Variants in LARP4 observed in about 807,000 individuals in gnomAD.
LARP4 encodes the protein La ribonucleoprotein 4.
A neutral mutation model predicts 92.9 loss-of-function variants in LARP4; 29 were observed. The observed-to-expected ratio is 0.31, with a 90% CI of 0.23 to 0.43. The LOEUF is 0.43. Among genes scored for constraint, LARP4 ranks in the 20% least tolerant of loss-of-function variants. The pLI is 1.00. For synonymous variants in LARP4, 279 were observed against 284.1 expected, an observed-to-expected ratio of 0.98 and a Z score of 0.18; for missense variants, 732 against 860.0, an observed-to-expected ratio of 0.85 and a Z score of 1.86.
chr12:50,437,632 G>T, intron 5 of LARP4, 103 bp from the exon 6 acceptor site: 1 of 633,654 alleles, frequency 1.6e-6, no homozygotes, highest in Non-Finnish European at 2.7e-6. Context: ...CCCAGCCTCT[G>T]CAAATTTACT....
intron 6 of LARP4, 121 bp from the exon 7 acceptor site, chr12:50,440,318 A>T: frequency 1.5e-6 from 1 of 680,168 alleles, no homozygotes; most frequent in Non-Finnish European, 2.6e-6. Flanking sequence ...GGCAAAAGTT[A>T]AGTGAAGTGA....
intron 13 of LARP4, among the ~76,000 whole-genome samples, chr12:50,470,520 A>G (rs1186914770): frequency 1.3e-5 from 2 of 150,740 alleles, no homozygotes; most frequent in African/African-American, 4.9e-5. Context: ...TGCAACCTCC[A>G]TCTCCCAGGT....
At chr12:50,409,103 T>C (rs1945378245) in intron 1 of LARP4, among the ~76,000 whole-genome samples, 1 of 151,682 alleles carries the variant, frequency 6.6e-6, no homozygotes, top group Non-Finnish European at 1.5e-5. Flanking sequence ...AGAAAAAAAA[T>C]AGGAGGGCAG....
At chr12:50,461,565 A>C (rs1955386178) in intron 11 of LARP4, 8 of 497,348 alleles carry the variant, frequency 1.6e-5, no homozygotes, top group South Asian at 1.4e-4. Flanking sequence ...GAGGTTTATA[A>C]AGTTATTCTG....
intron 10 of LARP4, among the ~76,000 whole-genome samples, chr12:50,459,719 G>C (rs1437366428): frequency 6.6e-6 from 1 of 151,670 alleles, no homozygotes; most frequent in South Asian, 2.1e-4. Flanking sequence ...AGCTACTCGG[G>C]AGGCTGAGGC....
At chr12:50,429,484 C>T (rs1949315586) in intron 3 of LARP4, among the ~76,000 whole-genome samples, 1 of 151,820 alleles carries the variant, frequency 6.6e-6, no homozygotes, top group African/African-American at 2.4e-5. Context: ...GTGGCATGCA[C>T]CTATAATCCC....
intron 8 of LARP4, among the ~76,000 whole-genome samples, chr12:50,442,610 G>A (rs1037393291): frequency 2.0e-5 from 3 of 152,180 alleles, no homozygotes; most frequent in Non-Finnish European, 4.4e-5. Flanking sequence ...ATTTGTAAAT[G>A]TAATACATTA....
At chr12:50,407,182 C>T (rs913663012) in intron 1 of LARP4, among the ~76,000 whole-genome samples, 3 of 152,092 alleles carry the variant, frequency 2.0e-5, no homozygotes, top group Admixed American at 1.3e-4. Context: ...CGTACCACCA[C>T]GCCTAGCTAT....
chr12:50,464,650 C>T (rs1439686426), intron 12 of LARP4, among the ~76,000 whole-genome samples: 1 of 151,902 alleles, frequency 6.6e-6, no homozygotes, highest in African/African-American at 2.4e-5. Context: ...GCCTTGGCCT[C>T]CCAGAGTGCT....
At chr12:50,406,757 C>T (rs1944914024) in intron 1 of LARP4, among the ~76,000 whole-genome samples, 1 of 152,070 alleles carries the variant, frequency 6.6e-6, no homozygotes, top group African/African-American at 2.4e-5. Context: ...TGCTCTGTTG[C>T]CCAGGCTGGA....
At chr12:50,432,634 C>T (rs569434837) in intron 4 of LARP4, among the ~76,000 whole-genome samples, 1 of 152,026 alleles carries the variant, frequency 6.6e-6, no homozygotes, top group Admixed American at 6.6e-5. Flanking sequence ...CCAAGGCAGG[C>T]GGATCACCTG....
chr12:50,426,929 C>T (rs1182857289), intron 1 of LARP4, among the ~76,000 whole-genome samples: 3 of 151,566 alleles, frequency 2.0e-5, no homozygotes, highest in Admixed American at 1.3e-4. Flanking sequence ...GTAGAGACAG[C>T]GTTTCTCTGT....
chr12:50,460,514 G>T (rs1955182771), intron 10 of LARP4, among the ~76,000 whole-genome samples: 1 of 152,020 alleles, frequency 6.6e-6, no homozygotes, highest in South Asian at 2.1e-4. Flanking sequence ...TGCAGTGATG[G>T]GGTCTTGCTG....
chr12:50,446,812 A>G (rs1457065205), intron 8 of LARP4, among the ~76,000 whole-genome samples: 1 of 152,172 alleles, frequency 6.6e-6, no homozygotes, highest in Admixed American at 6.5e-5. Flanking sequence ...ACTATAATGT[A>G]TGACATTACT....
chr12:50,413,939 T>C (rs1439003221), intron 1 of LARP4, among the ~76,000 whole-genome samples: 3 of 152,194 alleles, frequency 2.0e-5, no homozygotes, highest in Non-Finnish European at 4.4e-5. Context: ...TGGTAGGATG[T>C]TTATAAAATT....
intron 8 of LARP4, among the ~76,000 whole-genome samples, chr12:50,451,462 C>T (rs2138182208): frequency 6.6e-6 from 1 of 152,220 alleles, no homozygotes; most frequent in African/African-American, 2.4e-5. Context: ...CTTTGGGAGG[C>T]CAAGGCAGGC....
In LARP4 at chr12:50,476,487, A is replaced by G. The variant is rs1269024861; in HGVS notation, c.*623A>G. On this transcript the variant is annotated 3_prime_UTR_variant, in exon 16 of 16. Transcript: ENST00000398473. ...AATACTTGAGTAGATTTTTTTTTCT[A>G]GTTTGAAATTTAGTCTGTCTTTTTG... is the stretch of plus-strand genomic sequence containing the variant. 6.6e-6 allele frequency: 1 copy of G among 152,454 alleles called. No individual in the cohort carries two copies. The allele number at this position is 152,454 out of a possible 1,614,324, so 9.4% of individuals were successfully genotyped here. A position where few individuals can be genotyped will look rare whatever the true frequency, so the allele number is the denominator to read the frequency against.
chr12:50,468,605 A>G (rs2138986932), intron 13 of LARP4, among the ~76,000 whole-genome samples: 1 of 152,068 alleles, frequency 6.6e-6, no homozygotes, highest in African/African-American at 2.4e-5. Flanking sequence ...CCTAATTAAC[A>G]TCTTTTTATT....
intron 8 of LARP4, among the ~76,000 whole-genome samples, chr12:50,444,460 G>A (rs1309119559): frequency 1.3e-5 from 2 of 151,978 alleles, no homozygotes; most frequent in African/African-American, 2.4e-5. Context: ...AACATAAGTT[G>A]CAAGAAAATT....
Sources: gnomAD v4.1 joint callset for allele counts (sites outside exome capture counted in the v4.1 genomes callset) on GRCh38, gnomAD v4.1.1 for gene constraint, MANE v1.5 for transcripts, NCBI Gene and HGNC (gene_info 2026-07-23, HGNC 2026-07-21) for gene names.